Variants in ZNF277 observed in about 807,000 individuals in gnomAD.
ZNF277 encodes zinc finger protein 277.
Under a neutral mutation model 60.7 loss-of-function variants are expected in ZNF277, and 55 were observed. The ratio of observed to expected loss-of-function variants is 0.91; its 90% CI spans 0.73 to 1.13. ZNF277 has a LOEUF of 1.13. ZNF277 is among the 50% of genes most tolerant of loss of function. The probability of loss-of-function intolerance (pLI) is 0.00; values close to 1 mark genes in which losing one functional copy is unlikely to be tolerated. For missense variants in ZNF277, 510 were observed against 523.0 expected (o/e 0.98, Z 0.24); for synonymous variants, 178 against 179.3 (o/e 0.99, Z 0.06).
At chr7:112,297,117 TGGG>T (rs1159062380) in intron 4 of ZNF277, among the ~76,000 whole-genome samples, 1 of 150,808 alleles carries the variant, frequency 6.6e-6, no homozygotes, top group Non-Finnish European at 1.5e-5. Context: ...TTAGTAGAGA[TGGG>T]GTTTCACCGT....
chr7:112,296,109 AG>A (rs1305747089), intron 3 of ZNF277, 119 bp from the exon 4 acceptor site: 1 of 984,334 alleles, frequency 1.0e-6, no homozygotes, highest in East Asian at 2.4e-5. Context: ...AAGCTAAAAC[AG>A]TTCTATGCCA....
chr7:112,219,756 CT>C, intron 1 of ZNF277, among the ~76,000 whole-genome samples: 1 of 152,302 alleles, frequency 6.6e-6, no homozygotes, highest in Middle Eastern at 3.4e-3. Flanking sequence ...CCACCTCAGC[CT>C]CCTGAGTAGC....
intron 1 of ZNF277, among the ~76,000 whole-genome samples, chr7:112,229,061 A>C (rs1398047636): frequency 6.6e-6 from 1 of 152,206 alleles, no homozygotes; most frequent in Non-Finnish European, 1.5e-5. Flanking sequence ...TATCATTCAA[A>C]TATAGAGTGT....
At chr7:112,333,229 A>G (rs1793262098) in intron 7 of ZNF277, among the ~76,000 whole-genome samples, 1 of 152,070 alleles carries the variant, frequency 6.6e-6, no homozygotes, top group Admixed American at 6.6e-5. Context: ...GTGTGGGCAA[A>G]AGATAGAATT....
chr7:112,277,123 G>A lies in ZNF277; in HGVS notation c.92-9750G>A, dbSNP rs868777955. Among the ~76,000 whole-genome samples the A allele has an allele frequency of 1.8e-4, 22 of 121,706 alleles. 1 individual carries two copies. In the Admixed American group the frequency reaches 1.9e-3, roughly 11 times the overall value. The allele number at this position is 121,706 out of a possible 152,430, so 79.8% of individuals were successfully genotyped here. On this transcript the variant is annotated intron_variant, in intron 1 of 11. Transcript: ENST00000361822. The stretch of plus-strand genomic sequence containing the variant: ...TTTTGAGACAGAGTCTCCCTCTGTC[G>A]CCCAGGCTGGAGTGCAGTGGCACGA...
chr7:112,301,543 T>G (rs1327941433), intron 4 of ZNF277, among the ~76,000 whole-genome samples: 2 of 152,202 alleles, frequency 1.3e-5, no homozygotes, highest in Non-Finnish European at 2.9e-5. Flanking sequence ...AAACATTACT[T>G]TTCTCACATT....
At chr7:112,314,263 G>A (rs1404207803) in intron 4 of ZNF277, among the ~76,000 whole-genome samples, 1 of 152,014 alleles carries the variant, frequency 6.6e-6, no homozygotes, top group Non-Finnish European at 1.5e-5. Flanking sequence ...TAAGTGTCAG[G>A]CCATTATTCT....
At chr7:112,294,144 T>C (rs1166000277) in intron 2 of ZNF277, among the ~76,000 whole-genome samples, 2 of 152,228 alleles carry the variant, frequency 1.3e-5, no homozygotes, top group Non-Finnish European at 2.9e-5. Context: ...AATGTCATTT[T>C]TATTCTCTTA....
At chr7:112,319,924 A>C (rs1445496815) in intron 5 of ZNF277, among the ~76,000 whole-genome samples, 2 of 151,916 alleles carry the variant, frequency 1.3e-5, no homozygotes, top group African/African-American at 4.8e-5. Context: ...CCATGCCACC[A>C]TCAGAAAATT....
chr7:112,262,257 A>G (rs1791455388), intron 1 of ZNF277, among the ~76,000 whole-genome samples: 1 of 151,832 alleles, frequency 6.6e-6, no homozygotes, highest in Admixed American at 6.6e-5. Flanking sequence ...CAAAAAAAAA[A>G]AAAAAAAAGA....
chr7:112,312,675 G>T (rs544302132), intron 4 of ZNF277, among the ~76,000 whole-genome samples: 5 of 152,256 alleles, frequency 3.3e-5, no homozygotes, highest in African/African-American at 1.2e-4. Context: ...GTATAGGAAT[G>T]TTAATTGTAC....
chr7:112,266,749 C>G (rs1791560687), intron 1 of ZNF277, among the ~76,000 whole-genome samples: 1 of 152,054 alleles, frequency 6.6e-6, no homozygotes, highest in African/African-American at 2.4e-5. Flanking sequence ...ATTGCTTCAC[C>G]AAAAACTTGT....
At chr7:112,210,173 A>AC (rs1821699804) in intron 1 of ZNF277, among the ~76,000 whole-genome samples, 1 of 152,194 alleles carries the variant, frequency 6.6e-6, no homozygotes, top group East Asian at 1.9e-4. Context: ...AAAAACATAC[A>AC]CCTTTTTGAC....
intron 11 of ZNF277, 39 bp from the exon 12 acceptor site, chr7:112,342,522 C>T (rs6960155): frequency 0.029 from 44,014 of 1,502,636 alleles, 1,076 homozygotes; most frequent in African/African-American, 0.12. Flanking sequence ...ACTGTATTAG[C>T]TTGGTAATTT....
rs1793470851 is a variant in ZNF277 at position 112,342,789 on chromosome 7, T to C, written c.*60T>C. On this transcript the variant is annotated 3_prime_UTR_variant, in exon 12 of 12. Coordinates refer to ENST00000361822, the MANE Select transcript of ZNF277 (RefSeq NM_021994.3). ...AGCAATTTTTCATGTTTTTCTCCTA[T>C]GAGACAGATATGAAAGAACAATTTA... 2 of 1,322,448 alleles carry C rather than the reference T, an allele frequency of 1.5e-6. No homozygotes were observed. Among genetic ancestry groups the C allele is most frequent in the African/African-American group, 1.5e-5 (1 of 67,052 alleles). 81.9% of individuals were successfully genotyped at this position (1,322,448 alleles called of 1,614,324 possible).
At chr7:112,255,710 T>C (rs1321421397) in intron 1 of ZNF277, among the ~76,000 whole-genome samples, 1 of 152,172 alleles carries the variant, frequency 6.6e-6, no homozygotes, top group Non-Finnish European at 1.5e-5. Flanking sequence ...CTGCCCAAAT[T>C]CAGACCCTCA....
chr7:112,268,034 G>T (rs1791588523), intron 1 of ZNF277, among the ~76,000 whole-genome samples: 1 of 152,036 alleles, frequency 6.6e-6, no homozygotes. Flanking sequence ...AAAGTCAAAG[G>T]TACCTCATGA....
At chr7:112,266,881 C>T (rs1791563203) in intron 1 of ZNF277, among the ~76,000 whole-genome samples, 2 of 151,938 alleles carry the variant, frequency 1.3e-5, no homozygotes, top group South Asian at 4.2e-4. Context: ...TAAATCATTC[C>T]TGAAGTTCAT....
chr7:112,225,831 A>G (rs1822159593), intron 1 of ZNF277, among the ~76,000 whole-genome samples: 1 of 152,186 alleles, frequency 6.6e-6, no homozygotes, highest in East Asian at 1.9e-4. Flanking sequence ...TTATGTTTTT[A>G]GGGACAGTAT....
Sources: allele counts gnomAD v4.1 joint callset (sites outside exome capture counted in the v4.1 genomes callset), GRCh38; gene constraint gnomAD v4.1.1; transcripts MANE v1.5; gene names NCBI Gene and HGNC (gene_info 2026-07-23, HGNC 2026-07-21).